DENND2B: variants seen among roughly 807,000 people sequenced by gnomAD.
DENND2B encodes DENN domain-containing protein 2B.
In DENND2B, 32 loss-of-function variants were observed where a neutral mutation model predicts 116.0. The ratio of observed to expected loss-of-function variants is 0.28; its 90% confidence interval spans 0.21 to 0.37. DENND2B has a LOEUF of 0.37. DENND2B is among the 10% of genes least tolerant of loss of function. DENND2B has a pLI of 1.00. For synonymous variants in DENND2B, 588 were observed against 583.9 expected (o/e 1.01, Z -0.10); for missense variants, 1,276 against 1,477.7 (o/e 0.86, Z 2.24).
Position 8,702,552 on chromosome 11 carries a change from C to T in DENND2B, c.2720+20G>A. On this transcript the variant is annotated intron_variant, in intron 14 of 19. Coordinates refer to ENST00000313726, the MANE Select transcript of DENND2B (RefSeq NM_213618.2). The surrounding 1 kb of genome is among the most constrained non-coding windows in gnomAD (Gnocchi z 4.6). The stretch of plus-strand genomic sequence containing the variant: ...TGCCTTCCCCCCTCCCTTCTGCTTT[C>T]TTGCCCGGCTGGGCCCTACCTGAGC... The T allele has an allele frequency of 6.2e-7, 1 of 1,609,164 alleles. No homozygotes were observed. Among genetic ancestry groups the T allele is most frequent in the Non-Finnish European group, 8.5e-7 (1 of 1,179,958 alleles).
At chr11:8,773,372 A>G (rs971150272) in intron 1 of DENND2B, among the ~76,000 whole-genome samples, 5 of 152,156 alleles carry the variant, frequency 3.3e-5, no homozygotes, top group Admixed American at 3.3e-4. Context: ...CTCACCCCAG[A>G]GACGCTGCCT....
chr11:8,816,482 T>A (rs1173457226), intron 4 of DENND2B, among the ~76,000 whole-genome samples: 1 of 151,102 alleles, frequency 6.6e-6, no homozygotes, highest in Admixed American at 6.6e-5. Context: ...GCCTGGGAGG[T>A]TAAGGCTGCA....
At chr11:8,782,167 A>G (rs1340762735) in intron 1 of DENND2B, among the ~76,000 whole-genome samples, 1 of 152,232 alleles carries the variant, frequency 6.6e-6, no homozygotes, top group East Asian at 1.9e-4. Flanking sequence ...ATAATGGTGC[A>G]TTATACACCA....
At chr11:8,858,715 C>A (rs2063283486) in intron 2 of DENND2B, among the ~76,000 whole-genome samples, 1 of 152,270 alleles carries the variant, frequency 6.6e-6, no homozygotes, top group East Asian at 1.9e-4. Context: ...GCAGAGGAGC[C>A]AGGACCAGCT....
At chr11:8,746,443 C>T (rs1219296554) in intron 2 of DENND2B, among the ~76,000 whole-genome samples, 2 of 152,236 alleles carry the variant, frequency 1.3e-5, no homozygotes, top group Non-Finnish European at 2.9e-5. Flanking sequence ...CCAACTCTAA[C>T]ATCCCAACAG....
At chr11:8,746,397 G>GT (rs2051258179) in intron 2 of DENND2B, among the ~76,000 whole-genome samples, 1 of 152,216 alleles carries the variant, frequency 6.6e-6, no homozygotes, top group African/African-American at 2.4e-5. Context: ...CATTTGTAAT[G>GT]TAAGTTACTG....
chr11:8,867,574 T>G (rs545435411), intron 2 of DENND2B, among the ~76,000 whole-genome samples: 7 of 15,848 alleles, frequency 4.4e-4, no homozygotes, highest in Non-Finnish European at 2.7e-3. Flanking sequence ...AAAATTCAGC[T>G]TTTTTTTTTT....
intron 1 of DENND2B, chr11:8,776,143 C>A: frequency 6.2e-6 from 1 of 161,992 alleles, no homozygotes; most frequent in Admixed American, 6.3e-5. Flanking sequence ...CACGCACGTG[C>A]GCGCACGCGC....
chr11:8,716,113 T>C (rs1041456447), intron 5 of DENND2B, among the ~76,000 whole-genome samples: 27 of 152,198 alleles, frequency 1.8e-4, no homozygotes, highest in African/African-American at 6.3e-4. Context: ...AGTGGGAATT[T>C]TGCGGGGGTC....
In DENND2B at chr11:8,707,286, T is replaced by C. The variant is rs1307417364; in HGVS notation, c.2431-61A>G. The C allele has an allele frequency of 4.5e-6, 7 of 1,560,922 alleles. No individual in the cohort carries two copies. The Admixed American group carries it at 1.1e-4, about 24-fold the overall frequency. On this transcript the variant is annotated intron_variant, in intron 12 of 19. Coordinates refer to ENST00000313726, the MANE Select transcript of DENND2B (RefSeq NM_213618.2). The surrounding 1 kb of genome is among the most constrained non-coding windows in gnomAD (Gnocchi z 4.8). ...GTCAGGGCACTGCCCTTCCCCCTCCTGGCAGAGAAGAGGGCAGCCAAGCAT... is the reference window on the plus strand; with the variant it reads ...GTCAGGGCACTGCCCTTCCCCCTCCCGGCAGAGAAGAGGGCAGCCAAGCAT...
intron 19 of DENND2B, chr11:8,694,761 G>A: frequency 2.7e-6 from 1 of 364,456 alleles, no homozygotes; most frequent in Non-Finnish European, 5.3e-6. Flanking sequence ...AAACAATACA[G>A]TATAATATCT....
intron 3 of DENND2B, among the ~76,000 whole-genome samples, chr11:8,854,968 T>C (rs1428364654): frequency 6.6e-6 from 1 of 152,058 alleles, no homozygotes; most frequent in Non-Finnish European, 1.5e-5. Flanking sequence ...TGCCTCGGCT[T>C]CTCTACAAAA....
intron 1 of DENND2B, among the ~76,000 whole-genome samples, chr11:8,806,478 G>A (rs2060844998): frequency 6.6e-6 from 1 of 151,986 alleles, no homozygotes; most frequent in Non-Finnish European, 1.5e-5. Flanking sequence ...TATAGTGATA[G>A]TTTCAACACC....
intron 3 of DENND2B, among the ~76,000 whole-genome samples, chr11:8,728,313 T>C (rs956548247): frequency 1.3e-5 from 2 of 152,130 alleles, no homozygotes; most frequent in African/African-American, 4.8e-5. Flanking sequence ...TGCATTTTTT[T>C]TAAAATAAAA....
chr11:8,811,586 T>C, upstream of DENND2B: 1 of 364,982 alleles, frequency 2.7e-6, no homozygotes, highest in Non-Finnish European at 4.9e-6. Flanking sequence ...CCCATCCCCA[T>C]CCTGTCCCTT....
In DENND2B at chr11:8,693,978, T is replaced by G. The variant is rs918463001; in HGVS notation, c.*118A>C. On this transcript the variant is annotated 3_prime_UTR_variant, in exon 20 of 20. Coordinates refer to ENST00000313726, the MANE Select transcript of DENND2B (RefSeq NM_213618.2). ...TGATGAAGGCAGAGGTGGGCTGGCT[T>G]GGAGGATAGGATCTGTGGGGGCAGA... The G allele has an allele frequency of 4.7e-6, 5 of 1,052,978 alleles. No individual in the cohort carries two copies. The highest frequency in any genetic ancestry group is 5.7e-6 in the Non-Finnish European group (4 of 706,378). The allele number at this position is 1,052,978 out of a possible 1,614,324, so 65.2% of individuals were successfully genotyped here. A position where few individuals can be genotyped will look rare whatever the true frequency, so the allele number is the denominator to read the frequency against.
chr11:8,748,119 C>T (rs1454746723), intron 2 of DENND2B, among the ~76,000 whole-genome samples: 4 of 152,098 alleles, frequency 2.6e-5, no homozygotes, highest in African/African-American at 4.8e-5. Context: ...TGGAAGTCCC[C>T]GACGTAGCCA....
chr11:8,898,053 C>A (rs1429049372), intron 1 of DENND2B, among the ~76,000 whole-genome samples: 1 of 152,204 alleles, frequency 6.6e-6, no homozygotes, highest in Non-Finnish European at 1.5e-5. Context: ...GGATTATAGG[C>A]ATAAGCCATA....
intron 4 of DENND2B, among the ~76,000 whole-genome samples, chr11:8,817,424 C>T (rs1170609932): frequency 6.6e-6 from 1 of 152,084 alleles, no homozygotes; most frequent in Non-Finnish European, 1.5e-5. Flanking sequence ...CCTAGGAAGG[C>T]AGAGAAATAC....
Sources: gnomAD v4.1 joint callset for allele counts (sites outside exome capture counted in the v4.1 genomes callset) on GRCh38, gnomAD v4.1.1 for gene constraint, Gnocchi (gnomAD v3.1) non-coding constraint, MANE v1.5 for transcripts, NCBI Gene and HGNC (gene_info 2026-07-23, HGNC 2026-07-21) for gene names.